GRM8: variants seen among roughly 807,000 people sequenced by gnomAD.
The protein encoded by GRM8 is glutamate metabotropic receptor 8.
Under a neutral mutation model 87.2 loss-of-function variants are expected in GRM8, and 47 were observed. The observed-to-expected ratio is 0.54, with a 90% CI of 0.43 to 0.69. The LOEUF is 0.69. Ranked by LOEUF, GRM8 falls within the 30% of genes least tolerant of loss-of-function variation. GRM8 has a pLI of 0.00. For synonymous variants in GRM8, 396 were observed against 404.5 expected, an observed-to-expected ratio of 0.98 and a Z score of 0.25; for missense variants, 1,019 against 1,139.2, an observed-to-expected ratio of 0.89 and a Z score of 1.52.
chr7:126,690,226 G>A (rs1227458759), intron 7 of GRM8, among the ~76,000 whole-genome samples: 2 of 152,282 alleles, frequency 1.3e-5, no homozygotes, highest in Non-Finnish European at 2.9e-5. Flanking sequence ...GGCCTGGCAG[G>A]CTGCGCTCAG....
At chr7:127,092,839 A>G (rs973456447) in intron 3 of GRM8, among the ~76,000 whole-genome samples, 2 of 152,170 alleles carry the variant, frequency 1.3e-5, no homozygotes, top group African/African-American at 4.8e-5. Flanking sequence ...CCTCACCAAC[A>G]CCACCATCTC....
chr7:127,143,932 T>G (rs1410453338), intron 2 of GRM8, among the ~76,000 whole-genome samples: 1 of 152,144 alleles, frequency 6.6e-6, no homozygotes, highest in African/African-American at 2.4e-5. Context: ...AATATTTTGA[T>G]ATCTCTTGCA....
intron 3 of GRM8, among the ~76,000 whole-genome samples, chr7:127,026,842 G>C (rs559526476): frequency 2.6e-5 from 4 of 152,164 alleles, no homozygotes; most frequent in African/African-American, 9.6e-5. Flanking sequence ...TCTTTAATTA[G>C]ATCCCATTTG....
At chr7:127,212,865 G>T (rs1408267961) in intron 2 of GRM8, among the ~76,000 whole-genome samples, 1 of 152,162 alleles carries the variant, frequency 6.6e-6, no homozygotes, top group Non-Finnish European at 1.5e-5. Context: ...GATCTTTGAC[G>T]TAAATGTCAC....
intron 3 of GRM8, among the ~76,000 whole-genome samples, chr7:127,015,253 GAA>G (rs1815531026): frequency 8.6e-6 from 1 of 115,622 alleles, no homozygotes; most frequent in African/African-American, 3.3e-5. Flanking sequence ...AGAAGAAGAA[GAA>G]GAAGAAAAGA....
intron 3 of GRM8, among the ~76,000 whole-genome samples, chr7:127,043,921 A>G (rs2132426273): frequency 6.6e-6 from 1 of 151,054 alleles, no homozygotes; most frequent in Admixed American, 6.6e-5. Flanking sequence ...CAGGAGTCCT[A>G]AAGGGGGAGC....
chr7:126,508,472 C>A (rs370243401), intron 9 of GRM8, among the ~76,000 whole-genome samples: 2 of 152,026 alleles, frequency 1.3e-5, no homozygotes, highest in East Asian at 1.9e-4. Context: ...AAACACCTCC[C>A]ATGAGGCCCC....
At chr7:127,043,888 G>A (rs1031651319) in intron 3 of GRM8, among the ~76,000 whole-genome samples, 4 of 152,224 alleles carry the variant, frequency 2.6e-5, no homozygotes, top group African/African-American at 9.6e-5. Context: ...CAATGACCAA[G>A]AGGTTTCTAG....
chr7:127,130,273 G>T lies in GRM8; in HGVS notation c.511-23561C>A, dbSNP rs1159491528. Reference sequence around the variant, plus strand: ...CTAATACGGATAATTGGTACAGGGAGTGGGGTACTGCTATAAAAATAACCT... The same window carrying T: ...CTAATACGGATAATTGGTACAGGGATTGGGGTACTGCTATAAAAATAACCT... On this transcript the variant is annotated intron_variant, in intron 2 of 10. Coordinates refer to ENST00000339582, the MANE Select transcript of GRM8 (RefSeq NM_000845.3). Among the ~76,000 whole-genome samples, 172 of 152,306 alleles carry T rather than the reference G, an allele frequency of 1.1e-3. 1 individual carries two copies. The highest frequency in any genetic ancestry group is 4.1e-3 in the African/African-American group (171 of 41,570).
At chr7:127,092,977 C>A (rs902965955) in intron 3 of GRM8, among the ~76,000 whole-genome samples, 1 of 152,202 alleles carries the variant, frequency 6.6e-6, no homozygotes, top group Non-Finnish European at 1.5e-5. Context: ...TCTGTGTGTG[C>A]CCACAAAAAC....
At chr7:126,701,028 T>C (rs1051185238) in intron 7 of GRM8, among the ~76,000 whole-genome samples, 6 of 152,230 alleles carry the variant, frequency 3.9e-5, no homozygotes, top group Admixed American at 3.9e-4. Context: ...CTTCCTTCTT[T>C]TAATAAATGT....
intron 9 of GRM8, among the ~76,000 whole-genome samples, chr7:126,468,175 T>TG (rs1804729044): frequency 6.6e-6 from 1 of 152,086 alleles, no homozygotes; most frequent in Non-Finnish European, 1.5e-5. Flanking sequence ...CTGCCCTTAT[T>TG]GCTTGCCTAC....
chr7:126,752,718 G>C (rs1024703907), intron 7 of GRM8, among the ~76,000 whole-genome samples: 1 of 152,132 alleles, frequency 6.6e-6, no homozygotes, highest in South Asian at 2.1e-4. Context: ...AATTTACTAT[G>C]ATGGTTACAC....
chr7:126,928,426 T>C (rs1036580241), intron 3 of GRM8, among the ~76,000 whole-genome samples: 1 of 152,068 alleles, frequency 6.6e-6, no homozygotes, highest in Non-Finnish European at 1.5e-5. Context: ...AATCCTAGCA[T>C]TTTGGGAGGC....
At chr7:126,776,746 G>A (rs1819520564) in intron 6 of GRM8, among the ~76,000 whole-genome samples, 1 of 152,078 alleles carries the variant, frequency 6.6e-6, no homozygotes, top group Admixed American at 6.6e-5. Context: ...TAACTTTGTG[G>A]CCTTGGGCAA....
intron 8 of GRM8, among the ~76,000 whole-genome samples, chr7:126,548,251 A>T (rs1817388967): frequency 6.6e-6 from 1 of 152,138 alleles, no homozygotes; most frequent in Non-Finnish European, 1.5e-5. Context: ...CCAACATGGC[A>T]CATGTATACA....
At chr7:126,658,946 C>T (rs1327911628) in intron 7 of GRM8, among the ~76,000 whole-genome samples, 3 of 151,942 alleles carry the variant, frequency 2.0e-5, no homozygotes, top group South Asian at 2.1e-4. Flanking sequence ...CCTTGACAAG[C>T]GGCCGCTACA....
chr7:127,141,097 G>T (rs1587121170), intron 2 of GRM8, among the ~76,000 whole-genome samples: 1 of 152,132 alleles, frequency 6.6e-6, no homozygotes, highest in East Asian at 1.9e-4. Flanking sequence ...TCCACAATCT[G>T]TCAACCCTTG....
intron 7 of GRM8, among the ~76,000 whole-genome samples, chr7:126,735,389 TA>T: frequency 6.6e-6 from 1 of 152,072 alleles, no homozygotes; most frequent in East Asian, 1.9e-4. Flanking sequence ...TAAATAATAA[TA>T]AAATTAAGTT....
Sources: gnomAD v4.1 joint callset for allele counts (sites outside exome capture counted in the v4.1 genomes callset) on GRCh38, gnomAD v4.1.1 for gene constraint, MANE v1.5 for transcripts, NCBI Gene and HGNC (gene_info 2026-07-23, HGNC 2026-07-21) for gene names.